The following CCDC148 variants were observed in gnomAD, a reference collection of about 807,000 sequenced individuals.
CCDC148 encodes the protein coiled-coil domain-containing protein 148.
In CCDC148, 89 loss-of-function variants were observed where a neutral mutation model predicts 85.7. That is an observed-to-expected ratio of 1.04 (90% CI 0.87 to 1.24). The LOEUF (loss-of-function observed/expected upper bound fraction) is 1.24. Among genes scored for constraint, CCDC148 ranks in the 50% most tolerant of loss-of-function variants. The pLI is 0.00. For missense variants in CCDC148, 692 were observed against 671.7 expected, an observed-to-expected ratio of 1.03 and a Z score of -0.33; for synonymous variants, 230 against 213.9, an observed-to-expected ratio of 1.08 and a Z score of -0.66.
intron 9 of CCDC148, among the ~76,000 whole-genome samples, chr2:158,283,516 C>T (rs1233317508): frequency 6.6e-6 from 1 of 152,166 alleles, no homozygotes; most frequent in Non-Finnish European, 1.5e-5. Flanking sequence ...CCAAAAGACA[C>T]AGGAAAAAAT....
chr2:158,239,837 A>G (rs1287586093), intron 10 of CCDC148, among the ~76,000 whole-genome samples: 1 of 152,126 alleles, frequency 6.6e-6, no homozygotes, highest in Non-Finnish European at 1.5e-5. Flanking sequence ...AACATATGCT[A>G]TCGTCTCCTT....
chr2:158,196,086 T>A (rs1375466044), intron 11 of CCDC148, among the ~76,000 whole-genome samples: 1 of 152,150 alleles, frequency 6.6e-6, no homozygotes, highest in African/African-American at 2.4e-5. Flanking sequence ...CTGGAGGGAC[T>A]GAGCCAATTG....
chr2:158,272,135 T>C (rs1689726555), intron 9 of CCDC148, among the ~76,000 whole-genome samples: 1 of 152,188 alleles, frequency 6.6e-6, no homozygotes, highest in South Asian at 2.1e-4. Context: ...ATGAAAATTG[T>C]CTAACAAGCT....
intron 1 of CCDC148, among the ~76,000 whole-genome samples, chr2:158,371,032 A>G (rs1413792127): frequency 1.3e-5 from 2 of 151,918 alleles, no homozygotes; most frequent in Non-Finnish European, 2.9e-5. Flanking sequence ...AATTTTTCTT[A>G]TTTTATAGGA....
At chr2:158,204,557 C>T (rs1005985291) in intron 11 of CCDC148, among the ~76,000 whole-genome samples, 1 of 152,088 alleles carries the variant, frequency 6.6e-6, no homozygotes, top group Non-Finnish European at 1.5e-5. Context: ...CCATGCAAAG[C>T]TCCAAATGAC....
At chr2:158,438,102 T>C (rs1364869975) in intron 1 of CCDC148, among the ~76,000 whole-genome samples, 2 of 152,158 alleles carry the variant, frequency 1.3e-5, no homozygotes, top group African/African-American at 2.4e-5. Context: ...AATGACTTTC[T>C]TCACAGAATT....
intron 7 of CCDC148, among the ~76,000 whole-genome samples, chr2:158,321,311 A>G (rs1278509756): frequency 6.6e-6 from 1 of 152,212 alleles, no homozygotes; most frequent in Non-Finnish European, 1.5e-5. Flanking sequence ...CCCAACATCA[A>G]GTTGGACAAG....
intron 1 of CCDC148, among the ~76,000 whole-genome samples, chr2:158,397,677 G>A (rs1685586059): frequency 6.6e-6 from 1 of 152,076 alleles, no homozygotes; most frequent in African/African-American, 2.4e-5. Flanking sequence ...GCAAAAACAT[G>A]CCAAATTGTA....
intron 7 of CCDC148, among the ~76,000 whole-genome samples, chr2:158,317,032 T>C (rs1268743662): frequency 6.6e-6 from 1 of 152,218 alleles, no homozygotes; most frequent in African/African-American, 2.4e-5. Flanking sequence ...TCAAAGTTCT[T>C]GTTGAATTCA....
At position 158,440,840 on chromosome 2, in the gene CCDC148, C is replaced by G. The variant is rs531104939; in HGVS notation, c.25+15575G>C. On this transcript the variant is annotated intron_variant, in intron 1 of 13. Coordinates refer to ENST00000283233, the MANE Select transcript of CCDC148 (RefSeq NM_138803.4). ...CAAACTGAATGACTACTAGTATACT[C>G]CAGACTGTTCATGTATTTTTGTCTG... Among the ~76,000 whole-genome samples the G allele has an allele frequency of 2.6e-5, 4 of 152,230 alleles. No individual in the cohort carries two copies. In the South Asian group the frequency reaches 8.3e-4, roughly 32 times the overall value.
chr2:158,425,252 T>A, intron 1 of CCDC148: 2 of 538,528 alleles, frequency 3.7e-6, no homozygotes, highest in South Asian at 2.8e-5. Flanking sequence ...AGAGCACTTA[T>A]GGCAAGGCAT....
intron 7 of CCDC148, among the ~76,000 whole-genome samples, chr2:158,330,093 A>G (rs1472666368): frequency 6.6e-6 from 1 of 152,168 alleles, no homozygotes; most frequent in Non-Finnish European, 1.5e-5. Context: ...GCCAGTTTTC[A>G]AAGGGAATGC....
chr2:158,315,082 A>G (rs188679351), intron 7 of CCDC148, among the ~76,000 whole-genome samples: 1 of 152,338 alleles, frequency 6.6e-6, no homozygotes, highest in Non-Finnish European at 1.5e-5. Flanking sequence ...TCTACCAGGA[A>G]GAGGAATACT....
chr2:158,281,257 A>G (rs570328147), intron 9 of CCDC148, among the ~76,000 whole-genome samples: 2 of 152,152 alleles, frequency 1.3e-5, no homozygotes, highest in Admixed American at 6.5e-5. Flanking sequence ...AGCTAGCAGA[A>G]GGCAAGAAAT....
intron 11 of CCDC148, among the ~76,000 whole-genome samples, chr2:158,203,981 T>G: frequency 6.6e-6 from 1 of 152,340 alleles, no homozygotes; most frequent in East Asian, 1.9e-4. Flanking sequence ...AATTCCTTAT[T>G]CCTGTAGTTT....
chr2:158,172,405 T>C, intron 13 of CCDC148, 146 bp from the exon 14 acceptor site: 2 of 639,166 alleles, frequency 3.1e-6, no homozygotes, highest in Non-Finnish European at 2.7e-6. Flanking sequence ...GACTATATTT[T>C]GGAAACATCT....
intron 11 of CCDC148, among the ~76,000 whole-genome samples, chr2:158,191,839 C>T (rs977961055): frequency 5.3e-5 from 8 of 151,952 alleles, no homozygotes; most frequent in African/African-American, 1.9e-4. Context: ...AAGCAGTTCA[C>T]CCTAGAGTTC....
chr2:158,279,882 T>A (rs1330709590), intron 9 of CCDC148, among the ~76,000 whole-genome samples: 8 of 151,088 alleles, frequency 5.3e-5, no homozygotes, highest in Non-Finnish European at 8.9e-5. Flanking sequence ...GAGAGAAAGG[T>A]CGGGTTACCG....
At chr2:158,176,172 A>G (rs890232675) in intron 13 of CCDC148, among the ~76,000 whole-genome samples, 3 of 151,888 alleles carry the variant, frequency 2.0e-5, no homozygotes, top group Admixed American at 2.0e-4. Flanking sequence ...GAATTTAAAT[A>G]TAATTCTTAA....
Sources: gnomAD v4.1 joint callset for allele counts (sites outside exome capture counted in the v4.1 genomes callset) on GRCh38, gnomAD v4.1.1 for gene constraint, MANE v1.5 for transcripts, NCBI Gene and HGNC (gene_info 2026-07-23, HGNC 2026-07-21) for gene names.